The following TTYH1 variants were observed in gnomAD, a reference collection of about 807,000 sequenced individuals.
TTYH1 encodes the protein protein tweety homolog 1.
A neutral mutation model predicts 61.2 loss-of-function variants in TTYH1; 33 were observed. The observed-to-expected ratio is 0.54, with a 90% CI of 0.41 to 0.72. TTYH1 has a LOEUF of 0.72. Among genes scored for constraint, TTYH1 ranks in the 30% least tolerant of loss-of-function variants. The pLI is 0.00. For missense variants in TTYH1, 538 were observed against 575.8 expected (o/e 0.93, Z 0.67); for synonymous variants, 308 against 266.4 (o/e 1.16, Z -1.52).
chr19:54,420,113 G>A lies in TTYH1; in HGVS notation c.305+807G>A, dbSNP rs2083177813. On this transcript the variant is annotated intron_variant, in intron 2 of 13. Transcript: ENST00000376530. This position sits in a 1 kb window ranked among gnomAD's most constrained non-coding sequence, Gnocchi z 4.8. Reference sequence around the variant, plus strand: ...AGGACCCCCTCACACCCCTCAAAGCGAGCTTAGGGGGCTTCCAATGTGAAC... The same window carrying A: ...AGGACCCCCTCACACCCCTCAAAGCAAGCTTAGGGGGCTTCCAATGTGAAC... Among the ~76,000 whole-genome samples the A allele has an allele frequency of 3.3e-5, 5 of 152,108 alleles. No individual in the cohort carries two copies. The South Asian group carries it at 6.2e-4, about 19-fold the overall frequency.
chr19:54,435,578 G>C lies in TTYH1; in HGVS notation c.1162G>C (p.Ala388Pro). The change falls in exon 11 of 14, where the codon GCC becomes CCC. Residue 388 changes from alanine (A) to proline (P), a missense_variant. Transcript: ENST00000376530. The stretch of plus-strand genomic sequence containing the variant: ...AGCCCTGCGGGGCCTGTGCGAAGAC[G>C]CCCTGGAAGGCCTGCTCTTCCTGCT... The part of the protein sequence containing the change: ...GAALRGLCED[A>P]LEGLLFLLLF... 6.2e-7 allele frequency: 1 copy of C among 1,609,856 alleles called. No individual in the cohort carries two copies.
chr19:54,424,998 A>G (rs536480316), intron 4 of TTYH1, among the ~76,000 whole-genome samples: 57 of 152,292 alleles, frequency 3.7e-4, no homozygotes, highest in African/African-American at 1.3e-3. Flanking sequence ...ACGGATTCCA[A>G]GGAATGGAAT....
At position 54,421,253 on chromosome 19, in the gene TTYH1, T is replaced by C. The variant is rs1189237259; in HGVS notation, c.306-24T>C. On this transcript the variant is annotated intron_variant, in intron 2 of 13. Transcript: ENST00000376530. The surrounding 1 kb of genome is among the most constrained non-coding windows in gnomAD (Gnocchi z 4.8). The stretch of plus-strand genomic sequence containing the variant: ...CCGGGGTCCTGGGACCCGCTGAGAT[T>C]CCTCTCCCTCCTCCTCCGCTCAGCA... 3.2e-6 allele frequency: 5 copies of C among 1,548,028 alleles called. No homozygotes were observed. Among genetic ancestry groups the C allele is most frequent in the Non-Finnish European group, 4.5e-6 (5 of 1,120,412 alleles).
chr19:54,417,334 CACTT>C (rs1248494770), intron 1 of TTYH1, among the ~76,000 whole-genome samples: 20 of 151,512 alleles, frequency 1.3e-4, no homozygotes, highest in African/African-American at 4.6e-4. Flanking sequence ...CAGACACGCC[CACTT>C]ACTTTCATTA....
chr19:54,424,160 T>TAA (rs749144637), intron 4 of TTYH1, among the ~76,000 whole-genome samples: 2 of 139,116 alleles, frequency 1.4e-5, no homozygotes, highest in Admixed American at 1.4e-4. Context: ...GAATCCGTCT[T>TAA]AAAAAAAAAA....
chr19:54,423,910 C>G (rs1351169350), intron 4 of TTYH1, among the ~76,000 whole-genome samples: 2 of 152,074 alleles, frequency 1.3e-5, no homozygotes, highest in Non-Finnish European at 2.9e-5. Context: ...CGCCTGTAAT[C>G]CCAGCACTTT....
rs1021847816 is a variant in TTYH1, at chr19:54,421,909, C to A, written c.418-281C>A. Reference sequence around the variant, plus strand: ...CTGGAAGGCAGATGAAAACTTCAGACCTAAAGCTCCACACTTAATCTCAGT... The same window carrying A: ...CTGGAAGGCAGATGAAAACTTCAGAACTAAAGCTCCACACTTAATCTCAGT... On this transcript the variant is annotated intron_variant, in intron 3 of 13. Transcript: ENST00000376530. The surrounding 1 kb of genome is among the most constrained non-coding windows in gnomAD (Gnocchi z 4.8). Among the ~76,000 whole-genome samples the A allele has an allele frequency of 2.0e-5, 3 of 152,110 alleles. No individual in the cohort carries two copies. The highest frequency in any genetic ancestry group is 7.2e-5 in the African/African-American group (3 of 41,422).
chr19:54,422,301 C>A lies in TTYH1; in HGVS notation c.529C>A (p.Arg177=). 6.4e-7 allele frequency: 1 copy of A among 1,565,228 alleles called. No homozygotes were observed. Among genetic ancestry groups the A allele is most frequent in the Non-Finnish European group, 8.7e-7 (1 of 1,156,006 alleles). ...GGTGGCTGCCGCCCGAGGGGCTCGA[C>A]GGCAGGCGGAGGCTGCGGCCCAGCA... ...ELVAAARGAR[R]QAEAAAQQLQ... is the part of the protein sequence containing the mutation. Residue 177 remains arginine (R), a synonymous_variant, in exon 4 of 14, where the codon CGG becomes AGG. Coordinates refer to ENST00000376530, the MANE Select transcript of TTYH1 (RefSeq NM_020659.4).
chr19:54,422,464 C>A, intron 4 of TTYH1, 54 bp downstream of exon 4: 1 of 1,433,194 alleles, frequency 7.0e-7, no homozygotes, highest in Non-Finnish European at 9.3e-7. Flanking sequence ...GCGGAGTCCC[C>A]GGGGGGACAG....
At chr19:54,435,472 C>A (rs2083526052) in intron 10 of TTYH1, 70 bp from the exon 11 acceptor site, 2 of 1,506,582 alleles carry the variant, frequency 1.3e-6, no homozygotes, top group Non-Finnish European at 1.8e-6. Context: ...GACGGTCAGA[C>A]TGATGTGCAC....
Position 54,419,687 on chromosome 19 carries a change from G to A in TTYH1, c.305+381G>A, listed in dbSNP as rs74693637. 1.2e-4 allele frequency: 59 copies of A among 481,450 alleles called. 1 individual carries two copies. The highest frequency in any genetic ancestry group is 1.5e-4 in the Non-Finnish European group (36 of 246,416). 29.8% of individuals were successfully genotyped at this position (481,450 alleles called of 1,614,324 possible). ...CATTATCATCTCGCCCACCTCCTGCGGGGGTAAGATGGAGAGAAAGCACAG... is the reference window on the plus strand; with the variant it reads ...CATTATCATCTCGCCCACCTCCTGCAGGGGTAAGATGGAGAGAAAGCACAG... On this transcript the variant is annotated intron_variant, in intron 2 of 13. Transcript: ENST00000376530. The surrounding 1 kb of genome is among the most constrained non-coding windows in gnomAD (Gnocchi z 6.1).
Position 54,419,377 on chromosome 19 carries a change from G to T in TTYH1, c.305+71G>T, listed in dbSNP as rs983228136. The T allele has an allele frequency of 3.4e-6, 5 of 1,478,282 alleles. No homozygotes were observed. Among genetic ancestry groups the T allele is most frequent in the South Asian group, 2.4e-5 (2 of 84,498 alleles). 91.6% of individuals were successfully genotyped at this position (1,478,282 alleles called of 1,614,324 possible). ...AAGCTCTTTGCTGGCCTTCCTGGGG[G>T]TGTCCTCCGGGGACATGGAGGAAGC... On this transcript the variant is annotated intron_variant, in intron 2 of 13. Coordinates refer to ENST00000376530, the MANE Select transcript of TTYH1 (RefSeq NM_020659.4). The surrounding 1 kb of genome is among the most constrained non-coding windows in gnomAD (Gnocchi z 6.1).
At chr19:54,428,034 C>G (rs137926722) in intron 5 of TTYH1, among the ~76,000 whole-genome samples, 1,645 of 151,446 alleles carry the variant, frequency 0.011, 20 homozygotes, top group African/African-American at 0.036. Flanking sequence ...ACCTCAGCCT[C>G]CAGAGTAGCT....
At position 54,419,414 on chromosome 19, in the gene TTYH1, A is replaced by G; in HGVS notation, c.305+108A>G. 1 of 1,211,546 alleles carries G rather than the reference A, an allele frequency of 8.3e-7. No individual in the cohort carries two copies. Among genetic ancestry groups the G allele is most frequent in the Non-Finnish European group, 1.2e-6 (1 of 850,278 alleles). 75.0% of individuals were successfully genotyped at this position (1,211,546 alleles called of 1,614,324 possible). A position where few individuals can be genotyped will look rare whatever the true frequency, so the allele number is the denominator to read the frequency against. On this transcript the variant is annotated intron_variant, in intron 2 of 13. Transcript: ENST00000376530. The surrounding 1 kb of genome is among the most constrained non-coding windows in gnomAD (Gnocchi z 6.1). ...GACATGGAGGAAGCAGACAGGAAGG[A>G]GGAAACTCCCTCGTCCCTGTCCCTG...
chr19:54,424,616 G>A (rs921044617), intron 4 of TTYH1, among the ~76,000 whole-genome samples: 2 of 152,226 alleles, frequency 1.3e-5, no homozygotes, highest in African/African-American at 2.4e-5. Context: ...GGGAAGTGGT[G>A]GGAGCCATAA....
At chr19:54,425,814 C>G (rs1158124904) in intron 4 of TTYH1, among the ~76,000 whole-genome samples, 1 of 152,044 alleles carries the variant, frequency 6.6e-6, no homozygotes, top group Non-Finnish European at 1.5e-5. Context: ...CTCATGGGTT[C>G]AAATGATTCT....
At position 54,419,044 on chromosome 19, in the gene TTYH1, C is replaced by T. The variant is rs527884789; in HGVS notation, c.127-84C>T. 55 of 1,398,822 alleles carry T rather than the reference C, an allele frequency of 3.9e-5. No homozygotes were observed. Among genetic ancestry groups the T allele is most frequent in the South Asian group, 3.2e-4 (24 of 74,058 alleles). 86.7% of individuals were successfully genotyped at this position (1,398,822 alleles called of 1,614,324 possible). Reference sequence around the variant, plus strand: ...ACCTTCACTCTGACATCCCAGACCCCGACCCCCCAGCCACGCAGGAAGGGG... The same window carrying T: ...ACCTTCACTCTGACATCCCAGACCCTGACCCCCCAGCCACGCAGGAAGGGG... On this transcript the variant is annotated intron_variant, in intron 1 of 13. Coordinates refer to ENST00000376530, the MANE Select transcript of TTYH1 (RefSeq NM_020659.4). This position sits in a 1 kb window ranked among gnomAD's most constrained non-coding sequence, Gnocchi z 6.1.
At chr19:54,417,377 TAC>T (rs1034051168) in intron 1 of TTYH1, among the ~76,000 whole-genome samples, 23 of 147,348 alleles carry the variant, frequency 1.6e-4, no homozygotes, top group Non-Finnish European at 2.2e-4. Flanking sequence ...TATGCACAGG[TAC>T]ACACACACGC....
chr19:54,419,766 C>T lies in TTYH1; in HGVS notation c.305+460C>T, dbSNP rs76256176. On this transcript the variant is annotated intron_variant, in intron 2 of 13. Transcript: ENST00000376530. This position sits in a 1 kb window ranked among gnomAD's most constrained non-coding sequence, Gnocchi z 6.1. Reference sequence around the variant, plus strand: ...CATTAACTGGTGATGTCTGTCATTCCGTCATTCACCAGCTCATTCATTCGA... The same window carrying T: ...CATTAACTGGTGATGTCTGTCATTCTGTCATTCACCAGCTCATTCATTCGA... 2.2e-3 allele frequency among the ~76,000 whole-genome samples: 333 copies of T among 152,244 alleles called. 1 individual carries two copies. Among genetic ancestry groups the T allele is most frequent in the African/African-American group, 7.5e-3 (313 of 41,524 alleles).
Sources: gnomAD v4.1 joint callset for allele counts (sites outside exome capture counted in the v4.1 genomes callset) on GRCh38, gnomAD v4.1.1 for gene constraint, Gnocchi (gnomAD v3.1) non-coding constraint, MANE v1.5 for transcripts, NCBI Gene and HGNC (gene_info 2026-07-23, HGNC 2026-07-21) for gene names.